The following ARID4B variants were observed in gnomAD, a reference collection of about 807,000 sequenced individuals.
ARID4B encodes AT-rich interaction domain 4B.
Under a neutral mutation model 147.5 loss-of-function variants are expected in ARID4B, and 26 were observed. That is an observed-to-expected ratio of 0.18 (90% CI 0.13 to 0.24). ARID4B has a LOEUF of 0.24. ARID4B is among the 10% of genes least tolerant of loss of function. The pLI is 1.00. For missense variants in ARID4B, 1,179 were observed against 1,511.5 expected (o/e 0.78, Z 3.65); for synonymous variants, 512 against 507.9 (o/e 1.01, Z -0.11).
At chr1:235,203,522 T>C (rs868508124) in intron 17 of ARID4B, among the ~76,000 whole-genome samples, 3 of 152,178 alleles carry the variant, frequency 2.0e-5, no homozygotes, top group Non-Finnish European at 4.4e-5. Context: ...CTTTGAAATA[T>C]GTATAGATAA....
chr1:235,237,070 AC>A (rs1475977896), intron 8 of ARID4B, among the ~76,000 whole-genome samples: 3 of 147,574 alleles, frequency 2.0e-5, no homozygotes, highest in Non-Finnish European at 3.0e-5. Flanking sequence ...AAGGGGTTTC[AC>A]TATGTTGGCC....
intron 2 of ARID4B, among the ~76,000 whole-genome samples, chr1:235,315,452 C>T (rs1308182679): frequency 9.2e-5 from 14 of 152,290 alleles, no homozygotes; most frequent in Admixed American, 8.5e-4. Context: ...TTATCTGTCC[C>T]ACTGTCCAAG....
chr1:235,179,525 C>CAAAAA lies in ARID4B; in HGVS notation c.3335-1617_3335-1613dup, dbSNP rs61143006. Among the ~76,000 whole-genome samples, 351 of 48,228 alleles carry CAAAAA rather than the reference C, an allele frequency of 7.3e-3. 12 individuals are homozygous for CAAAAA. Among genetic ancestry groups the CAAAAA allele is most frequent in the African/African-American group, 7.7e-3 (134 of 17,364 alleles). 31.6% of individuals were successfully genotyped at this position (48,228 alleles called of 152,430 possible). On this transcript the variant is annotated intron_variant, in intron 20 of 23. Transcript: ENST00000264183. ...GCAACAAGAGCAAAACTCTATGTCT[C>CAAAAA]AAAAAAAAAAAAAAAAAAAAAAAAA...
intron 19 of ARID4B, among the ~76,000 whole-genome samples, chr1:235,186,868 A>G (rs1024193940): frequency 1.3e-5 from 2 of 149,762 alleles, no homozygotes; most frequent in African/African-American, 4.9e-5. Context: ...GCTAATTTTA[A>G]TATTTTTATT....
At chr1:235,201,049 G>A (rs1397325869) in intron 17 of ARID4B, among the ~76,000 whole-genome samples, 1 of 152,140 alleles carries the variant, frequency 6.6e-6, no homozygotes, top group Non-Finnish European at 1.5e-5. Context: ...GGAGGCTGGG[G>A]TAGGAGAATC....
At chr1:235,269,102 C>CT (rs1177590882) in intron 2 of ARID4B, among the ~76,000 whole-genome samples, 1 of 152,150 alleles carries the variant, frequency 6.6e-6, no homozygotes, top group Admixed American at 6.5e-5. Context: ...TTATATCTCA[C>CT]TTTAAAAAGT....
intron 22 of ARID4B, among the ~76,000 whole-genome samples, chr1:235,174,000 A>C (rs1055978976): frequency 2.7e-5 from 4 of 150,672 alleles, no homozygotes; most frequent in Non-Finnish European, 5.9e-5. Context: ...CCCTAACACC[A>C]GATACTTTTA....
At chr1:235,211,140 C>T (rs888255100) in intron 17 of ARID4B, among the ~76,000 whole-genome samples, 2 of 152,116 alleles carry the variant, frequency 1.3e-5, no homozygotes, top group Non-Finnish European at 2.9e-5. Context: ...TTGAGACCAG[C>T]CTAACAAACA....
At chr1:235,234,633 CA>C in intron 8 of ARID4B, 141 bp from the exon 9 acceptor site, 1 of 572,328 alleles carries the variant, frequency 1.7e-6, no homozygotes, top group Non-Finnish European at 3.2e-6. Context: ...CACACACACA[CA>C]CGTGGGAGCA....
chr1:235,323,926 A>G (rs1010087707), intron 2 of ARID4B, among the ~76,000 whole-genome samples: 3 of 147,520 alleles, frequency 2.0e-5, no homozygotes, highest in Non-Finnish European at 4.5e-5. Context: ...TTTTTGAGAG[A>G]GAGAGTTTCA....
intron 11 of ARID4B, 131 bp from the exon 12 acceptor site, chr1:235,224,906 C>A (rs1001771761): frequency 3.1e-6 from 2 of 638,984 alleles, no homozygotes; most frequent in African/African-American, 3.7e-5. Flanking sequence ...ATCAAAGTTA[C>A]TCTTTTAACA....
chr1:235,320,446 C>T (rs1674743237), intron 2 of ARID4B, among the ~76,000 whole-genome samples: 1 of 152,190 alleles, frequency 6.6e-6, no homozygotes, highest in Non-Finnish European at 1.5e-5. Context: ...TTTCTCCTCA[C>T]CACCATCTCT....
At chr1:235,249,935 T>A (rs1307089943) in intron 6 of ARID4B, among the ~76,000 whole-genome samples, 1 of 112,094 alleles carries the variant, frequency 8.9e-6, no homozygotes, top group East Asian at 2.5e-4. Context: ...AGAGACTCCA[T>A]CTCAAAAAAA....
intron 2 of ARID4B, among the ~76,000 whole-genome samples, chr1:235,313,783 G>A (rs903277580): frequency 2.0e-5 from 3 of 152,128 alleles, no homozygotes; most frequent in African/African-American, 7.2e-5. Flanking sequence ...TAAGTACCAG[G>A]AAAATAAAGG....
chr1:235,296,567 C>A (rs1465237237), intron 2 of ARID4B, among the ~76,000 whole-genome samples: 1 of 151,656 alleles, frequency 6.6e-6, no homozygotes, highest in Non-Finnish European at 1.5e-5. Context: ...GACCTCCAGG[C>A]TCGGGTGATC....
intron 2 of ARID4B, among the ~76,000 whole-genome samples, chr1:235,267,152 C>T (rs35359275): frequency 6.6e-6 from 1 of 152,050 alleles, no homozygotes; most frequent in African/African-American, 2.4e-5. Flanking sequence ...GTGGCATGCA[C>T]GTATGGTCCC....
chr1:235,233,340 A>G (rs1352411000), intron 9 of ARID4B, among the ~76,000 whole-genome samples: 1 of 152,112 alleles, frequency 6.6e-6, no homozygotes, highest in African/African-American at 2.4e-5. Flanking sequence ...AATTGAGGTG[A>G]AAGGATAACC....
At chr1:235,215,363 G>A (rs1324472626) in intron 16 of ARID4B, among the ~76,000 whole-genome samples, 1 of 151,950 alleles carries the variant, frequency 6.6e-6, no homozygotes, top group African/African-American at 2.4e-5. Context: ...TGTACTTAAA[G>A]ACTCCATCAC....
intron 6 of ARID4B, among the ~76,000 whole-genome samples, chr1:235,248,429 G>A (rs964160603): frequency 4.6e-5 from 7 of 152,110 alleles, no homozygotes; most frequent in Non-Finnish European, 5.9e-5. Context: ...TGGTAATACT[G>A]TATCACTATA....
Sources: gnomAD v4.1 joint callset for allele counts (sites outside exome capture counted in the v4.1 genomes callset) on GRCh38, gnomAD v4.1.1 for gene constraint, MANE v1.5 for transcripts, NCBI Gene and HGNC (gene_info 2026-07-23, HGNC 2026-07-21) for gene names.